Variants in GABRG3 observed in about 807,000 individuals in gnomAD.
GABRG3 encodes gamma-aminobutyric acid receptor subunit gamma-3.
A neutral mutation model predicts 48.8 loss-of-function variants in GABRG3; 25 were observed. The observed-to-expected ratio is 0.51, with a 90% confidence interval of 0.37 to 0.72. GABRG3 has a LOEUF of 0.72. Ranked by LOEUF, GABRG3 falls within the 30% of genes least tolerant of loss-of-function variation. GABRG3 has a pLI of 0.00. For missense variants in GABRG3, 394 were observed against 577.9 expected (o/e 0.68, Z 3.26); for synonymous variants, 227 against 217.6 (o/e 1.04, Z -0.38).
In GABRG3 at chr15:27,355,692, C is replaced by G. The variant is rs78372124; in HGVS notation, c.574+26804C>G. ...CATGAATGTGCATAGCAGCATTATT[C>G]ATAATATACAAAAAGTGGGGGGAAA... On this transcript the variant is annotated intron_variant, in intron 5 of 9. Coordinates refer to ENST00000615808, the MANE Select transcript of GABRG3 (RefSeq NM_033223.5). 7.1e-3 allele frequency among the ~76,000 whole-genome samples: 1,082 copies of G among 152,264 alleles called. 15 individuals carry two copies. Among genetic ancestry groups the G allele is most frequent in the African/African-American group, 0.025 (1,030 of 41,544 alleles).
At chr15:27,345,477 AATT>A (rs1894334720) in intron 5 of GABRG3, among the ~76,000 whole-genome samples, 1 of 145,862 alleles carries the variant, frequency 6.9e-6, no homozygotes, top group African/African-American at 2.8e-5. Context: ...GAGAATTCCT[AATT>A]ATTTTATCCT....
At position 27,413,253 on chromosome 15, in the gene GABRG3, TACA is replaced by T. The variant is rs571043814; in HGVS notation, c.575-67392_575-67390del. ...ATTAAAGTATATTCAATGAAGTAAT[TACA>T]ACAAGTCTACCATATCATTTTATTT... On this transcript the variant is annotated intron_variant, in intron 5 of 9. Transcript: ENST00000615808. 1.9e-3 allele frequency among the ~76,000 whole-genome samples: 290 copies of T among 152,318 alleles called. 2 individuals carry two copies. Among genetic ancestry groups the T allele is most frequent in the African/African-American group, 6.6e-3 (273 of 41,572 alleles).
intron 5 of GABRG3, chr15:27,363,900 T>A (rs1443699055): frequency 2.0e-5 from 3 of 152,250 alleles, no homozygotes; most frequent in Non-Finnish European, 4.4e-5. Context: ...TTTGATCCTC[T>A]GGCCATCCTG....
At chr15:27,486,751 G>GC (rs1028188751) in intron 6 of GABRG3, among the ~76,000 whole-genome samples, 1 of 152,164 alleles carries the variant, frequency 6.6e-6, no homozygotes, top group African/African-American at 2.4e-5. Flanking sequence ...ATCAACACAT[G>GC]CCAAGTACAT....
chr15:27,242,568 G>A (rs748094040), intron 3 of GABRG3, among the ~76,000 whole-genome samples: 6 of 152,102 alleles, frequency 3.9e-5, no homozygotes, highest in Non-Finnish European at 7.4e-5. Flanking sequence ...AGAATTCATT[G>A]CTAATACTTC....
At chr15:27,387,388 C>T (rs2140569009) in intron 5 of GABRG3, among the ~76,000 whole-genome samples, 1 of 152,104 alleles carries the variant, frequency 6.6e-6, no homozygotes, top group South Asian at 2.1e-4. Flanking sequence ...ACATTCTGGC[C>T]TACTTTTGTG....
At chr15:27,402,228 G>A (rs1809448797) in intron 5 of GABRG3, among the ~76,000 whole-genome samples, 1 of 152,176 alleles carries the variant, frequency 6.6e-6, no homozygotes. Flanking sequence ...GTATTTCAGA[G>A]TCTGGTAATA....
chr15:27,002,516 C>A (rs1418057954), intron 2 of GABRG3, among the ~76,000 whole-genome samples: 2 of 152,064 alleles, frequency 1.3e-5, no homozygotes, highest in Non-Finnish European at 2.9e-5. Context: ...ACTTTTAGTG[C>A]AGCATTTCAT....
chr15:27,406,310 G>A (rs745489143), intron 5 of GABRG3, among the ~76,000 whole-genome samples: 32 of 152,108 alleles, frequency 2.1e-4, no homozygotes, highest in Non-Finnish European at 3.8e-4. Context: ...TTAACCCCAC[G>A]CCATTCCCAC....
chr15:27,018,431 G>A (rs1301828856), intron 2 of GABRG3, among the ~76,000 whole-genome samples: 1 of 152,134 alleles, frequency 6.6e-6, no homozygotes, highest in African/African-American at 2.4e-5. Flanking sequence ...TTATATGAAT[G>A]TGCAAAAATG....
intron 2 of GABRG3, among the ~76,000 whole-genome samples, chr15:27,012,812 T>G (rs1056694012): frequency 1.3e-5 from 2 of 152,208 alleles, no homozygotes; most frequent in Non-Finnish European, 2.9e-5. Flanking sequence ...ACTTTGTGTC[T>G]TGATTATGCT....
rs139364531 is a variant in GABRG3 at position 27,178,136 on chromosome 15, G to A, written c.271-148673G>A. On this transcript the variant is annotated intron_variant, in intron 3 of 9. Coordinates refer to ENST00000615808, the MANE Select transcript of GABRG3 (RefSeq NM_033223.5). The stretch of plus-strand genomic sequence containing the variant: ...ACAGGTGGGCCTTGTTGGGGAAAAG[G>A]TTCAGGAGCCTGACTAAAGTTTGGT... 3.8e-4 allele frequency among the ~76,000 whole-genome samples: 58 copies of A among 152,264 alleles called. No homozygotes were observed. The Middle Eastern group carries it at 0.01, about 27-fold the overall frequency.
At position 27,527,512 on chromosome 15, in the gene GABRG3, C is replaced by T. The variant is rs370950953; in HGVS notation, c.945C>T (p.Ala315=). 160 of 1,613,966 alleles carry T rather than the reference C, an allele frequency of 9.9e-5. No homozygotes were observed. In the African/African-American group the frequency reaches 1.8e-3, roughly 18 times the overall value. The change falls in exon 8 of 10, where the codon GCC becomes GCT. Residue 315 remains alanine (A), a synonymous_variant. Transcript: ENST00000615808. ...TGCCACGCGTGTCCTACGTGACCGC[C>T]ATGGACCTTTTTGTGACCGTGTGCT... ...KSLPRVSYVT[A]MDLFVTVCFL... is the part of the protein sequence containing the mutation.
intron 3 of GABRG3, among the ~76,000 whole-genome samples, chr15:27,178,975 C>G (rs1409091907): frequency 6.6e-6 from 1 of 152,130 alleles, no homozygotes; most frequent in Non-Finnish European, 1.5e-5. Context: ...GTTTCTATGA[C>G]CTGCCTTGGG....
chr15:27,304,182 A>AT (rs1243978701), intron 3 of GABRG3, among the ~76,000 whole-genome samples: 2 of 151,960 alleles, frequency 1.3e-5, no homozygotes, highest in Non-Finnish European at 2.9e-5. Context: ...CAAACTCAAC[A>AT]TTCCTGTTAA....
intron 5 of GABRG3, among the ~76,000 whole-genome samples, chr15:27,348,799 T>G (rs1219774252): frequency 6.6e-6 from 1 of 152,150 alleles, no homozygotes; most frequent in East Asian, 1.9e-4. Context: ...ACAAGAATAG[T>G]GGCAGGGGTT....
intron 3 of GABRG3, among the ~76,000 whole-genome samples, chr15:27,134,755 G>T (rs1262382141): frequency 1.3e-5 from 2 of 152,156 alleles, no homozygotes; most frequent in East Asian, 3.9e-4. Context: ...CTCCACAGAG[G>T]TACTATGCGA....
At chr15:27,250,851 A>G (rs543006738) in intron 3 of GABRG3, among the ~76,000 whole-genome samples, 2 of 152,286 alleles carry the variant, frequency 1.3e-5, no homozygotes, top group African/African-American at 2.4e-5. Flanking sequence ...CAAGGAGAGG[A>G]CGTGGACGGC....
At chr15:27,486,395 TC>T (rs1566862817) in intron 6 of GABRG3, among the ~76,000 whole-genome samples, 1 of 152,232 alleles carries the variant, frequency 6.6e-6, no homozygotes, top group East Asian at 1.9e-4. Flanking sequence ...GATGTGGACA[TC>T]TGATGTTTTT....
Sources: allele counts gnomAD v4.1 joint callset (sites outside exome capture counted in the v4.1 genomes callset), GRCh38; gene constraint gnomAD v4.1.1; transcripts MANE v1.5; gene names NCBI Gene and HGNC (gene_info 2026-07-23, HGNC 2026-07-21).